Variants in ODAD2 observed in about 807,000 individuals in gnomAD.
ODAD2 encodes outer dynein arm docking complex subunit 2.
In ODAD2, 89 loss-of-function variants were observed where a neutral mutation model predicts 106.8. That is an observed-to-expected ratio of 0.83 (90% CI 0.70 to 0.99). The LOEUF (loss-of-function observed/expected upper bound fraction) is 0.99, where lower values mean the gene tolerates loss of function less well. Among genes scored for constraint, ODAD2 ranks in the 50% least tolerant of loss-of-function variants. The pLI, the probability that ODAD2 is intolerant of heterozygous loss-of-function variation, is 0.00. For missense variants in ODAD2, 1,168 were observed against 1,238.5 expected (o/e 0.94, Z 0.85); for synonymous variants, 404 against 436.2 (o/e 0.93, Z 0.92).
chr10:27,994,440 A>G (rs1223223511), intron 2 of ODAD2, among the ~76,000 whole-genome samples: 2 of 152,168 alleles, frequency 1.3e-5, no homozygotes, highest in Non-Finnish European at 2.9e-5. Flanking sequence ...ATTCAGAAGA[A>G]TATGGATGAC....
At position 27,971,176 on chromosome 10, in the gene ODAD2, A is replaced by G; in HGVS notation, c.1074T>C (p.Phe358=). Residue 358 remains phenylalanine (F), a synonymous_variant, in exon 8 of 20, where the codon TTT becomes TTC. Transcript: ENST00000305242. ...ATCTCTTGGTCATTTGATTCCTCCA[A>G]AAATTAATTTGGTTCTTCTCCAGTG... ...KRSLEKNQIN[F]WRNQMTKRWE... The G allele has an allele frequency of 6.2e-7, 1 of 1,613,968 alleles. No homozygotes were observed. Among genetic ancestry groups the G allele is most frequent in the Non-Finnish European group, 8.5e-7 (1 of 1,179,930 alleles).
At chr10:27,939,665 G>A (rs1846244906) in intron 14 of ODAD2, among the ~76,000 whole-genome samples, 1 of 152,050 alleles carries the variant, frequency 6.6e-6, no homozygotes, top group South Asian at 2.1e-4. Context: ...TTCAGCCCAG[G>A]AGATTGAAGT....
At chr10:27,932,939 A>G (rs1162141786) in intron 16 of ODAD2, among the ~76,000 whole-genome samples, 1 of 152,192 alleles carries the variant, frequency 6.6e-6, no homozygotes, top group Non-Finnish European at 1.5e-5. Context: ...AAGATGCTCA[A>G]TAAATATGTG....
At chr10:27,853,118 C>T (rs1839400753) in intron 19 of ODAD2, 1 of 156,060 alleles carries the variant, frequency 6.4e-6, no homozygotes, top group Non-Finnish European at 1.4e-5. Context: ...CCTGTAATCC[C>T]AGCACTTTGG....
At chr10:27,903,214 A>C (rs2133821017) in intron 17 of ODAD2, among the ~76,000 whole-genome samples, 1 of 152,330 alleles carries the variant, frequency 6.6e-6, no homozygotes, top group Non-Finnish European at 1.5e-5. Context: ...GATTATCTCA[A>C]TAGATGCAGA....
intron 17 of ODAD2, among the ~76,000 whole-genome samples, chr10:27,887,572 A>T (rs780176932): frequency 4.6e-4 from 70 of 150,538 alleles, no homozygotes; most frequent in Non-Finnish European, 9.0e-4. Context: ...TAGACCATAT[A>T]TGAAGCCGCA....
rs182886953 is a variant in ODAD2 at position 27,907,789 on chromosome 10, C to A, written c.2496-12G>T. On this transcript the variant is annotated splice_polypyrimidine_tract_variant and intron_variant, in intron 16 of 19. Transcript: ENST00000305242. ...AGCGATCAATTATCCTATCGTGGAA[C>A]CCAAAATCATGATATAAACTGTCAT... 3,148 of 1,563,692 alleles carry A rather than the reference C, an allele frequency of 2.0e-3. 9 individuals carry two copies. Among genetic ancestry groups the A allele is most frequent in the Non-Finnish European group, 2.1e-3 (2,333 of 1,134,640 alleles).
intron 8 of ODAD2, among the ~76,000 whole-genome samples, chr10:27,970,101 AAAAT>A (rs57804974): frequency 0.029 from 3,829 of 133,366 alleles, 62 homozygotes; most frequent in Middle Eastern, 0.037. Flanking sequence ...TCTGTCTCAA[AAAAT>A]AAATAAATAA....
chr10:27,812,829 G>A (rs1392183015), intron 19 of ODAD2, among the ~76,000 whole-genome samples: 2 of 152,076 alleles, frequency 1.3e-5, no homozygotes, highest in African/African-American at 4.8e-5. Context: ...TACCTTTCTG[G>A]AGCTGAATTA....
chr10:27,939,226 A>C (rs1846211531), intron 14 of ODAD2, among the ~76,000 whole-genome samples: 1 of 152,224 alleles, frequency 6.6e-6, no homozygotes, highest in Admixed American at 6.5e-5. Flanking sequence ...TATTAAAAGC[A>C]ATATAGAAGC....
intron 19 of ODAD2, among the ~76,000 whole-genome samples, chr10:27,841,727 A>G (rs1838320971): frequency 6.6e-6 from 1 of 151,636 alleles, no homozygotes; most frequent in Admixed American, 6.6e-5. Context: ...TCCTGTCCCT[A>G]TACACCTCCA....
At chr10:27,945,372 G>A (rs992092872) in intron 10 of ODAD2, among the ~76,000 whole-genome samples, 1 of 152,184 alleles carries the variant, frequency 6.6e-6, no homozygotes, top group Non-Finnish European at 1.5e-5. Context: ...CCGGAATAGG[G>A]AGAACTCAGA....
At chr10:27,864,816 T>C (rs1244121070) in intron 17 of ODAD2, among the ~76,000 whole-genome samples, 2 of 152,070 alleles carry the variant, frequency 1.3e-5, no homozygotes, top group African/African-American at 4.8e-5. Context: ...ATCTTTTGCA[T>C]CCCAACGGCG....
intron 19 of ODAD2, among the ~76,000 whole-genome samples, chr10:27,860,206 C>T (rs943835273): frequency 2.0e-5 from 3 of 152,144 alleles, no homozygotes; most frequent in Non-Finnish European, 2.9e-5. Flanking sequence ...AATCCCAACA[C>T]TTTGGGAGGC....
chr10:27,881,133 T>C (rs141587142), intron 17 of ODAD2, among the ~76,000 whole-genome samples: 46 of 152,338 alleles, frequency 3.0e-4, no homozygotes, highest in African/African-American at 1.1e-3. Flanking sequence ...AGGATACATA[T>C]TAAGCATACA....
At chr10:27,941,452 T>C in intron 12 of ODAD2, among the ~76,000 whole-genome samples, 1 of 145,404 alleles carries the variant, frequency 6.9e-6, no homozygotes, top group Admixed American at 7.0e-5. Flanking sequence ...ACCACTGCAC[T>C]CCAGCCTGGG....
intron 16 of ODAD2, among the ~76,000 whole-genome samples, chr10:27,928,479 G>A (rs146696558): frequency 5.9e-4 from 90 of 152,004 alleles, no homozygotes; most frequent in Middle Eastern, 3.4e-3. Context: ...AATGATCCTC[G>A]ACTGACCTCA....
chr10:27,922,626 C>T (rs903620126), intron 16 of ODAD2, among the ~76,000 whole-genome samples: 4 of 152,104 alleles, frequency 2.6e-5, no homozygotes, highest in African/African-American at 7.2e-5. Context: ...ACTGAATGGG[C>T]TGGGCACAGT....
intron 19 of ODAD2, among the ~76,000 whole-genome samples, chr10:27,815,714 G>A (rs1235055356): frequency 6.6e-6 from 1 of 152,066 alleles, no homozygotes; most frequent in African/African-American, 2.4e-5. Context: ...AATTGTTAGA[G>A]TTCATCAGAA....
Sources: gnomAD v4.1 joint callset for allele counts (sites outside exome capture counted in the v4.1 genomes callset) on GRCh38, gnomAD v4.1.1 for gene constraint, MANE v1.5 for transcripts, NCBI Gene and HGNC (gene_info 2026-07-23, HGNC 2026-07-21) for gene names.